The following EIF2AK2 variants were observed in gnomAD, a reference collection of about 807,000 sequenced individuals.
The protein encoded by EIF2AK2 is eukaryotic translation initiation factor 2 alpha kinase 2, also known as interferon-induced, double-stranded RNA-activated protein kinase.
Under a neutral mutation model 70.5 loss-of-function variants are expected in EIF2AK2, and 40 were observed. That is an observed-to-expected ratio of 0.57 (90% confidence interval 0.44 to 0.74). EIF2AK2 has a LOEUF of 0.74. Among genes scored for constraint, EIF2AK2 ranks in the 30% least tolerant of loss-of-function variants. EIF2AK2 has a pLI of 0.00. For missense variants in EIF2AK2, 555 were observed against 644.3 expected (o/e 0.86, Z 1.50); for synonymous variants, 198 against 220.9 (o/e 0.90, Z 0.92).
chr2:37,146,260 T>C (rs1434947467), intron 4 of EIF2AK2, among the ~76,000 whole-genome samples: 3 of 152,222 alleles, frequency 2.0e-5, no homozygotes, highest in African/African-American at 4.8e-5. Flanking sequence ...AGTACCTCTA[T>C]GATGTTTGCC....
Position 37,106,070 on chromosome 2 carries a change from T to A in EIF2AK2, c.*1203A>T, listed in dbSNP as rs1363683718. On this transcript the variant is annotated 3_prime_UTR_variant, in exon 17 of 17. Transcript: ENST00000233057. ...CAGCTTAAGGAAGTTACCATTACCT[T>A]TGAAAGTCCATTTCCCCAATCACAT... 6.6e-6 allele frequency: 1 copy of A among 152,258 alleles called. No individual in the cohort carries two copies. Among genetic ancestry groups the A allele is most frequent in the East Asian group, 1.9e-4 (1 of 5,202 alleles). 9.4% of individuals were successfully genotyped at this position (152,258 alleles called of 1,614,324 possible).
intron 13 of EIF2AK2, among the ~76,000 whole-genome samples, chr2:37,118,118 C>T (rs947017616): frequency 3.3e-5 from 5 of 150,946 alleles, no homozygotes; most frequent in African/African-American, 7.3e-5. Flanking sequence ...AGACCAGCCT[C>T]GGAAACATGG....
Position 37,148,965 on chromosome 2 carries a change from A to C in EIF2AK2, c.-125T>G, listed in dbSNP as rs753613090. On this transcript the variant is annotated 5_prime_UTR_variant, in exon 2 of 17. Transcript: ENST00000233057. Reference sequence around the variant, plus strand: ...CTGAGTCAGATGGAAGAACTGCTAAAGTTTTGAGGTCATTACAATTTACAA... The same window carrying C: ...CTGAGTCAGATGGAAGAACTGCTAACGTTTTGAGGTCATTACAATTTACAA... 253 of 830,460 alleles carry C rather than the reference A, an allele frequency of 3.0e-4. 1 individual carries two copies. Among genetic ancestry groups the C allele is most frequent in the Non-Finnish European group, 5.1e-4 (235 of 463,736 alleles). 51.4% of individuals were successfully genotyped at this position (830,460 alleles called of 1,614,324 possible).
rs746112686 is a variant in EIF2AK2, at chr2:37,141,567, C to T, written c.375G>A (p.Val125=). ...TTATGTCTTACCCTTCTGGCCCATG[C>T]ACCCCCGATGCACACTGTTCATAAT... ...TVNYEQCASG[V]HGPEGFHYKC... is the part of the protein sequence containing the mutation. Residue 125 remains valine (V), a synonymous_variant, in exon 5 of 17, where the codon GTG becomes GTA. Transcript: ENST00000233057. The T allele has an allele frequency of 1.5e-5, 24 of 1,612,984 alleles. No homozygotes were observed. In the South Asian group the frequency reaches 2.7e-4, roughly 18 times the overall value.
In EIF2AK2 at chr2:37,102,940, T is replaced by G. The variant is rs1673862143; in HGVS notation, c.*4333A>C. ...ATTTAAATAACATGTGGTTTAGTGA[T>G]AAAAATTCCCTAAAAGGTATGTTTC... On this transcript the variant is annotated 3_prime_UTR_variant, in exon 17 of 17. Coordinates refer to ENST00000233057, the MANE Select transcript of EIF2AK2 (RefSeq NM_001135651.3). 6.6e-6 allele frequency: 1 copy of G among 152,116 alleles called. No individual in the cohort carries two copies. The highest frequency in any genetic ancestry group is 1.5e-5 in the Non-Finnish European group (1 of 68,022). The allele number at this position is 152,116 out of a possible 1,614,324, so 9.4% of individuals were successfully genotyped here.
At chr2:37,127,891 T>A (rs1439320866) in intron 10 of EIF2AK2, among the ~76,000 whole-genome samples, 1 of 152,008 alleles carries the variant, frequency 6.6e-6, no homozygotes, top group Admixed American at 6.6e-5. Context: ...TACAGGTGCA[T>A]GCCACGACAC....
At chr2:37,133,424 T>C (rs558801022) in intron 10 of EIF2AK2, among the ~76,000 whole-genome samples, 59 of 152,232 alleles carry the variant, frequency 3.9e-4, no homozygotes, top group African/African-American at 1.4e-3. Context: ...CTTTAATCCC[T>C]TCCTACAGTC....
At chr2:37,109,060 A>C in intron 15 of EIF2AK2, 134 bp downstream of exon 15, 1 of 740,810 alleles carries the variant, frequency 1.3e-6, no homozygotes, top group East Asian at 2.8e-5. Flanking sequence ...CAGAAAATTC[A>C]TATTTCATTT....
intron 12 of EIF2AK2, among the ~76,000 whole-genome samples, chr2:37,121,107 C>T (rs1351996819): frequency 6.8e-6 from 1 of 147,406 alleles, no homozygotes; most frequent in Non-Finnish European, 1.5e-5. Context: ...ACTAAAAATA[C>T]AAAAAATTAG....
chr2:37,112,438 G>A (rs1359366205), intron 14 of EIF2AK2, among the ~76,000 whole-genome samples: 4 of 152,130 alleles, frequency 2.6e-5, no homozygotes, highest in Non-Finnish European at 4.4e-5. Flanking sequence ...AGATATCAAT[G>A]TTCCTCACCT....
chr2:37,126,018 G>C (rs1674716648), intron 11 of EIF2AK2, among the ~76,000 whole-genome samples: 2 of 152,108 alleles, frequency 1.3e-5, no homozygotes, highest in Admixed American at 6.5e-5. Context: ...TCATGAATTT[G>C]CATGTCACTT....
Position 37,114,858 on chromosome 2 carries a change from G to T in EIF2AK2, c.1250C>A (p.Pro417Gln). 1 of 1,549,678 alleles carries T rather than the reference G, an allele frequency of 6.5e-7. No individual in the cohort carries two copies. The highest frequency in any genetic ancestry group is 8.7e-7 in the Non-Finnish European group (1 of 1,151,964). Reference sequence around the variant, plus strand: ...TGTATCTACTAAGAATATATTACTTGGCTATGAAAAAAAAAAATTTAACTT... The same window carrying T: ...TGTATCTACTAAGAATATATTACTTTGCTATGAAAAAAAAAAATTTAACTT... ...SKKLIHRDLK[P>Q]SNIFLVDTKQ... Residue 417 changes from proline (P) to glutamine (Q), a missense_variant and splice_region_variant, in exon 14 of 17, where the codon CCA (proline) becomes CAA (glutamine). This residue lies in a region of EIF2AK2 where 299 missense variants were observed against 375.4 expected (regional missense o/e 0.80). Coordinates refer to ENST00000233057, the MANE Select transcript of EIF2AK2 (RefSeq NM_001135651.3).
At chr2:37,155,758 C>T (rs7580323) in intron 1 of EIF2AK2, among the ~76,000 whole-genome samples, 62,478 of 151,782 alleles carry the variant, frequency 0.41, 13,574 homozygotes, top group East Asian at 0.77. Context: ...CTGGCCAACA[C>T]GGTGAAACCC....
chr2:37,139,539 C>T, intron 6 of EIF2AK2, 92 bp downstream of exon 6: 1 of 1,508,226 alleles, frequency 6.6e-7, no homozygotes, highest in Non-Finnish European at 8.9e-7. Context: ...AAATCACTGG[C>T]TGTCTTGGCA....
chr2:37,115,738 C>T (rs1674319547), intron 13 of EIF2AK2, among the ~76,000 whole-genome samples: 1 of 152,094 alleles, frequency 6.6e-6, no homozygotes, highest in African/African-American at 2.4e-5. Context: ...CAGAATTTCT[C>T]TTGGGGGTCT....
chr2:37,143,687 C>A (rs990302210), intron 4 of EIF2AK2, among the ~76,000 whole-genome samples: 3 of 151,986 alleles, frequency 2.0e-5, no homozygotes, highest in African/African-American at 7.3e-5. Flanking sequence ...AGTTCAAGAC[C>A]AGCCTGGGCA....
chr2:37,119,357 G>A (rs1000541690), intron 13 of EIF2AK2, among the ~76,000 whole-genome samples: 3 of 152,060 alleles, frequency 2.0e-5, no homozygotes, highest in Non-Finnish European at 2.9e-5. Flanking sequence ...ATGACTGAGA[G>A]ATTAGGGAAC....
At chr2:37,144,523 T>C (rs1675455900) in intron 4 of EIF2AK2, among the ~76,000 whole-genome samples, 2 of 152,076 alleles carry the variant, frequency 1.3e-5, no homozygotes, top group South Asian at 4.1e-4. Context: ...GATGGTGATG[T>C]AGATGATCCT....
intron 14 of EIF2AK2, among the ~76,000 whole-genome samples, chr2:37,111,861 C>CAAAAAA (rs1196685884): frequency 9.3e-5 from 3 of 32,088 alleles, no homozygotes; most frequent in African/African-American, 1.3e-4. Context: ...GACCCTGTCT[C>CAAAAAA]AAAAAAAAAA....
Sources: allele counts gnomAD v4.1 joint callset (sites outside exome capture counted in the v4.1 genomes callset), GRCh38; gene constraint gnomAD v4.1.1; regional missense constraint gnomAD v4.1.1; transcripts MANE v1.5; gene names NCBI Gene and HGNC (gene_info 2026-07-23, HGNC 2026-07-21).